Variants in NDFIP2 observed in about 807,000 individuals in gnomAD.
NDFIP2 encodes Nedd4 family interacting protein 2.
In NDFIP2, 19 loss-of-function variants were observed where a neutral mutation model predicts 36.0. That is an observed-to-expected ratio of 0.53 (90% CI 0.37 to 0.77). The LOEUF (loss-of-function observed/expected upper bound fraction) is 0.77, where lower values mean the gene tolerates loss of function less well. Among genes scored for constraint, NDFIP2 ranks in the 30% least tolerant of loss-of-function variants. NDFIP2 has a pLI of 0.00. For synonymous variants in NDFIP2, 181 were observed against 167.7 expected (o/e 1.08, Z -0.61); for missense variants, 446 against 435.8 (o/e 1.02, Z -0.21).
At chr13:79,547,178 A>G (rs1401719698) in intron 5 of NDFIP2, among the ~76,000 whole-genome samples, 1 of 152,132 alleles carries the variant, frequency 6.6e-6, no homozygotes, top group Non-Finnish European at 1.5e-5. Context: ...GACTTAGATA[A>G]TCTTTATTTG....
At chr13:79,489,838 T>C (rs983380424) in intron 1 of NDFIP2, among the ~76,000 whole-genome samples, 6 of 152,200 alleles carry the variant, frequency 3.9e-5, no homozygotes, top group African/African-American at 1.4e-4. Flanking sequence ...CATAGAAGAA[T>C]GGAACTGTCA....
chr13:79,506,523 T>G (rs1873874370), intron 1 of NDFIP2, among the ~76,000 whole-genome samples: 1 of 152,136 alleles, frequency 6.6e-6, no homozygotes, highest in Admixed American at 6.5e-5. Flanking sequence ...TGAACAACAT[T>G]AGAAAGAAAT....
intron 2 of NDFIP2, 119 bp downstream of exon 2, chr13:79,521,094 A>G (rs960690865): frequency 7.1e-5 from 56 of 783,714 alleles, no homozygotes; most frequent in South Asian, 1.2e-4. Context: ...ATATTTATAT[A>G]TGTATATACA....
intron 2 of NDFIP2, among the ~76,000 whole-genome samples, chr13:79,531,264 T>A (rs1875005042): frequency 6.6e-6 from 1 of 152,220 alleles, no homozygotes; most frequent in Non-Finnish European, 1.5e-5. Context: ...TAAACAGGTG[T>A]GCTGTCATTA....
At chr13:79,531,934 C>T (rs74100720) in intron 2 of NDFIP2, among the ~76,000 whole-genome samples, 1,726 of 152,288 alleles carry the variant, frequency 0.011, 35 homozygotes, top group African/African-American at 0.04. Context: ...GTCTGGCTTT[C>T]GGTGTATCTT....
At chr13:79,524,238 C>T (rs1874702954) in intron 2 of NDFIP2, among the ~76,000 whole-genome samples, 1 of 152,164 alleles carries the variant, frequency 6.6e-6, no homozygotes. Flanking sequence ...ATTGGCAAAT[C>T]CTTCTCCACC....
At chr13:79,483,546 A>T (rs9545126) in intron 1 of NDFIP2, among the ~76,000 whole-genome samples, 1 of 152,076 alleles carries the variant, frequency 6.6e-6, no homozygotes. Context: ...GCAATAAACC[A>T]CTTGAGTTGT....
At position 79,556,064 on chromosome 13, in the gene NDFIP2, C is replaced by A. The variant is rs1010393128; in HGVS notation, c.*3551C>A. On this transcript the variant is annotated 3_prime_UTR_variant, in exon 8 of 8. Coordinates refer to ENST00000218652, the MANE Select transcript of NDFIP2 (RefSeq NM_019080.3). ...TTAATTTTAATAAACAAAATATCAT[C>A]TTTTTGAAAATAATTTATGTTCATT... 1 of 152,102 alleles carries A rather than the reference C, an allele frequency of 6.6e-6. No homozygotes were observed. Among genetic ancestry groups the A allele is most frequent in the African/African-American group, 2.4e-5 (1 of 41,436 alleles). The allele number at this position is 152,102 out of a possible 1,614,324, so 9.4% of individuals were successfully genotyped here. A position where few individuals can be genotyped will look rare whatever the true frequency, so the allele number is the denominator to read the frequency against.
chr13:79,533,556 G>A (rs1449089358), intron 3 of NDFIP2, 100 bp downstream of exon 3: 2 of 1,161,542 alleles, frequency 1.7e-6, no homozygotes, highest in Non-Finnish European at 2.3e-6. Flanking sequence ...AAGTGTGTAT[G>A]TAGATTTTTT....
intron 2 of NDFIP2, among the ~76,000 whole-genome samples, chr13:79,526,041 A>G (rs1163710052): frequency 6.6e-6 from 1 of 152,224 alleles, no homozygotes. Flanking sequence ...TGCTCTTAGC[A>G]GATGGAGAGA....
chr13:79,539,568 A>G (rs1000009235), intron 3 of NDFIP2, 114 bp from the exon 4 acceptor site: 2 of 767,676 alleles, frequency 2.6e-6, no homozygotes, highest in Non-Finnish European at 4.4e-6. Context: ...TCATTATTGC[A>G]TTTGTCTATA....
intron 4 of NDFIP2, among the ~76,000 whole-genome samples, chr13:79,540,301 T>C (rs759283378): frequency 1.3e-5 from 2 of 152,230 alleles, no homozygotes; most frequent in Admixed American, 1.3e-4. Context: ...CATTTTAACA[T>C]CTTGCAGAAT....
intron 5 of NDFIP2, among the ~76,000 whole-genome samples, chr13:79,545,165 A>G (rs1451248353): frequency 6.6e-6 from 1 of 152,184 alleles, no homozygotes; most frequent in Non-Finnish European, 1.5e-5. Context: ...GGGATTTCTC[A>G]TCTAAATCAC....
At chr13:79,493,487 T>C (rs1873321748) in intron 1 of NDFIP2, among the ~76,000 whole-genome samples, 1 of 152,170 alleles carries the variant, frequency 6.6e-6, no homozygotes, top group Admixed American at 6.5e-5. Context: ...GTTAGGTTAT[T>C]TGGTCTACCC....
chr13:79,497,323 C>A (rs1594841964), intron 1 of NDFIP2, among the ~76,000 whole-genome samples: 1 of 151,940 alleles, frequency 6.6e-6, no homozygotes, highest in East Asian at 1.9e-4. Flanking sequence ...TTTGCATGGG[C>A]TCCATTCCAT....
intron 5 of NDFIP2, among the ~76,000 whole-genome samples, chr13:79,547,567 T>C (rs188789226): frequency 6.6e-6 from 1 of 152,150 alleles, no homozygotes; most frequent in African/African-American, 2.4e-5. Flanking sequence ...CCTTTTAAAA[T>C]TAATGAAGTG....
intron 5 of NDFIP2, among the ~76,000 whole-genome samples, chr13:79,544,061 C>T (rs2137113662): frequency 6.6e-6 from 1 of 152,200 alleles, no homozygotes; most frequent in East Asian, 1.9e-4. Flanking sequence ...CCAGTTACTG[C>T]ACAAATATAT....
intron 1 of NDFIP2, among the ~76,000 whole-genome samples, chr13:79,495,165 A>G (rs1223111872): frequency 6.6e-6 from 1 of 151,928 alleles, no homozygotes; most frequent in Non-Finnish European, 1.5e-5. Flanking sequence ...ACTTGATAAT[A>G]TACTGTGTGC....
intron 1 of NDFIP2, among the ~76,000 whole-genome samples, chr13:79,487,579 AG>A (rs1384938269): frequency 2.0e-5 from 3 of 152,156 alleles, no homozygotes; most frequent in Non-Finnish European, 4.4e-5. Flanking sequence ...ACTGAGTAAT[AG>A]GGTAGGTGTA....
Sources: gnomAD v4.1 joint callset for allele counts (sites outside exome capture counted in the v4.1 genomes callset) on GRCh38, gnomAD v4.1.1 for gene constraint, MANE v1.5 for transcripts, NCBI Gene and HGNC (gene_info 2026-07-23, HGNC 2026-07-21) for gene names.